The following POLR3G variants were observed in gnomAD, a reference collection of about 807,000 sequenced individuals.
POLR3G encodes RNA polymerase III subunit G.
A neutral mutation model predicts 30.1 loss-of-function variants in POLR3G; 28 were observed. The ratio of observed to expected loss-of-function variants is 0.93; its 90% CI spans 0.69 to 1.27. The LOEUF (loss-of-function observed/expected upper bound fraction) is 1.27. POLR3G is among the 50% of genes most tolerant of loss of function. The pLI is 0.00. For missense variants in POLR3G, 254 were observed against 264.6 expected (o/e 0.96, Z 0.28); for synonymous variants, 79 against 82.5 (o/e 0.96, Z 0.23).
chr5:90,507,821 A>T (rs1752561725), intron 7 of POLR3G, among the ~76,000 whole-genome samples: 1 of 152,164 alleles, frequency 6.6e-6, no homozygotes, highest in Admixed American at 6.6e-5. Context: ...CAGATCATTC[A>T]TGTTTTTATT....
chr5:90,474,461 G>A (rs1290987058), upstream of POLR3G: 4 of 626,696 alleles, frequency 6.4e-6, no homozygotes, highest in Non-Finnish European at 1.1e-5. Flanking sequence ...GAGGAGGAAG[G>A]ACGCAGACCG....
At chr5:90,495,867 T>A in intron 4 of POLR3G, 134 bp downstream of exon 4, 1 of 1,199,970 alleles carries the variant, frequency 8.3e-7, no homozygotes, top group Non-Finnish European at 1.1e-6. Flanking sequence ...GATTAATTAG[T>A]AATCTGTTAG....
chr5:90,499,940 A>C (rs929756496), intron 5 of POLR3G, among the ~76,000 whole-genome samples: 1 of 152,204 alleles, frequency 6.6e-6, no homozygotes, highest in African/African-American at 2.4e-5. Context: ...ATACATGTGC[A>C]TGAATGATAC....
At chr5:90,489,071 C>T (rs922630428) in intron 3 of POLR3G, among the ~76,000 whole-genome samples, 7 of 152,116 alleles carry the variant, frequency 4.6e-5, no homozygotes, top group African/African-American at 1.7e-4. Context: ...AAAATGCATT[C>T]CATTTTTCCT....
chr5:90,496,433 AAAGATATTTT>A (rs1345134387), intron 4 of POLR3G, among the ~76,000 whole-genome samples: 2 of 152,234 alleles, frequency 1.3e-5, no homozygotes, highest in African/African-American at 4.8e-5. Flanking sequence ...ATCTCGTTTT[AAAGATATTTT>A]AAGCCAAGCT....
intron 5 of POLR3G, among the ~76,000 whole-genome samples, chr5:90,499,512 C>A (rs1176519766): frequency 6.6e-6 from 1 of 152,104 alleles, no homozygotes; most frequent in Non-Finnish European, 1.5e-5. Context: ...AGGTAGAATC[C>A]AGATTGGAAT....
At chr5:90,494,808 ATTAAC>A (rs1431967988) in intron 3 of POLR3G, among the ~76,000 whole-genome samples, 1 of 152,076 alleles carries the variant, frequency 6.6e-6, no homozygotes, top group Non-Finnish European at 1.5e-5. Flanking sequence ...ATTATTTGAA[ATTAAC>A]TTAAAAATAT....
At chr5:90,474,354 C>A (rs1026274424), upstream of POLR3G, 6 of 1,465,926 alleles carry the variant, frequency 4.1e-6, no homozygotes, top group Non-Finnish European at 5.7e-6. Flanking sequence ...ACAGGCTGTC[C>A]ACACACAGGG....
chr5:90,478,346 T>G (rs1318755232), intron 1 of POLR3G, among the ~76,000 whole-genome samples: 1 of 152,124 alleles, frequency 6.6e-6, no homozygotes, highest in Non-Finnish European at 1.5e-5. Context: ...TGTTTTGCAG[T>G]TATTAATTCA....
rs1168103603 is a variant in POLR3G at position 90,474,945 on chromosome 5, T to C, written c.-119T>C. On this transcript the variant is annotated 5_prime_UTR_variant, in exon 1 of 8. Transcript: ENST00000651687. ...GGGCGGCAGTCAAGCGCCGGCGTTC[T>C]CTGCCGTCACCCTTTCCTTGCCGGC... 1.3e-5 allele frequency: 2 copies of C among 152,554 alleles called. No homozygotes were observed. The highest frequency in any genetic ancestry group is 2.9e-5 in the Non-Finnish European group (2 of 68,298). The allele number at this position is 152,554 out of a possible 1,614,324, so 9.5% of individuals were successfully genotyped here.
At chr5:90,487,565 G>A (rs1751508309) in intron 2 of POLR3G, among the ~76,000 whole-genome samples, 1 of 151,150 alleles carries the variant, frequency 6.6e-6, no homozygotes, top group South Asian at 2.1e-4. Flanking sequence ...CTAATTTTTT[G>A]TATTTTTAAT....
At chr5:90,492,860 C>CA (rs59127797) in intron 3 of POLR3G, among the ~76,000 whole-genome samples, 82 of 128,252 alleles carry the variant, frequency 6.4e-4, no homozygotes, top group East Asian at 9.2e-4. Flanking sequence ...GACTCCGCCT[C>CA]AAAAAAAAAA....
chr5:90,509,761 G>C (rs1752649746), intron 7 of POLR3G, among the ~76,000 whole-genome samples: 1 of 152,152 alleles, frequency 6.6e-6, no homozygotes, highest in African/African-American at 2.4e-5. Flanking sequence ...GGCGGGACTA[G>C]AGGGTGTTAA....
In POLR3G at chr5:90,514,187, G is replaced by C. The variant is rs1046300291; in HGVS notation, c.*2048G>C. On this transcript the variant is annotated 3_prime_UTR_variant, in exon 8 of 8. Transcript: ENST00000651687. Reference sequence around the variant, plus strand: ...CAAGAACAAGCAGGATTTGCAGGTTGCTTTACCAGCATGAGTCTCATTTTT... The same window carrying C: ...CAAGAACAAGCAGGATTTGCAGGTTCCTTTACCAGCATGAGTCTCATTTTT... The C allele has an allele frequency of 5.3e-5, 8 of 152,164 alleles. No homozygotes were observed. The highest frequency in any genetic ancestry group is 1.7e-4 in the African/African-American group (7 of 41,442). 9.4% of individuals were successfully genotyped at this position (152,164 alleles called of 1,614,324 possible).
intron 5 of POLR3G, among the ~76,000 whole-genome samples, chr5:90,500,139 AT>A (rs1309701095): frequency 6.6e-6 from 1 of 152,130 alleles, no homozygotes; most frequent in African/African-American, 2.4e-5. Context: ...AAACTTTCTC[AT>A]TTTGCTCTAG....
rs1752841509 is a variant in POLR3G at position 90,513,789 on chromosome 5, A to G, written c.*1650A>G. 6.6e-6 allele frequency: 1 copy of G among 152,232 alleles called. No individual in the cohort carries two copies. The highest frequency in any genetic ancestry group is 1.5e-5 in the Non-Finnish European group (1 of 68,028). The allele number at this position is 152,232 out of a possible 1,614,324, so 9.4% of individuals were successfully genotyped here. A position where few individuals can be genotyped will look rare whatever the true frequency, so the allele number is the denominator to read the frequency against. ...TTGTCAAAAAATTTTAAGATTCTAA[A>G]TGGAATACACGAATAAAGTAAGCCT... is the stretch of plus-strand genomic sequence containing the variant. On this transcript the variant is annotated 3_prime_UTR_variant, in exon 8 of 8. Transcript: ENST00000651687.
chr5:90,498,037 G>C (rs1752071824), intron 5 of POLR3G, among the ~76,000 whole-genome samples: 1 of 152,164 alleles, frequency 6.6e-6, no homozygotes, highest in Non-Finnish European at 1.5e-5. Context: ...TTGAGCCAAA[G>C]AGGCAGAGGC....
chr5:90,512,958 G>A lies in POLR3G; in HGVS notation c.*819G>A, dbSNP rs1008330181. On this transcript the variant is annotated 3_prime_UTR_variant, in exon 8 of 8. Coordinates refer to ENST00000651687, the MANE Select transcript of POLR3G (RefSeq NM_006467.3). The stretch of plus-strand genomic sequence containing the variant: ...ATATAAATATGTAGAATGCATGTGT[G>A]TGAACTCTATGAAGTGAAGTGTGGT... The A allele has an allele frequency of 6.6e-6, 1 of 152,096 alleles. No individual in the cohort carries two copies. The highest frequency in any genetic ancestry group is 1.9e-4 in the East Asian group (1 of 5,196). 9.4% of individuals were successfully genotyped at this position (152,096 alleles called of 1,614,324 possible).
chr5:90,485,171 G>A (rs929370822), intron 1 of POLR3G, among the ~76,000 whole-genome samples: 8 of 152,128 alleles, frequency 5.3e-5, no homozygotes, highest in African/African-American at 1.9e-4. Flanking sequence ...TAGTTTTTAT[G>A]TTGACATGAA....
Sources: allele counts gnomAD v4.1 joint callset (sites outside exome capture counted in the v4.1 genomes callset), GRCh38; gene constraint gnomAD v4.1.1; transcripts MANE v1.5; gene names NCBI Gene and HGNC (gene_info 2026-07-23, HGNC 2026-07-21).